HDGFL3: variants seen among roughly 807,000 people sequenced by gnomAD.
HDGFL3 encodes the protein hepatoma-derived growth factor-related protein 3.
HDGFL3 carries 6 observed loss-of-function variants against 27.6 expected under a neutral mutation model. The ratio of observed to expected loss-of-function variants is 0.22; its 90% confidence interval spans 0.12 to 0.43. The LOEUF (loss-of-function observed/expected upper bound fraction) is 0.43, where lower values mean the gene tolerates loss of function less well. HDGFL3 is among the 20% of genes least tolerant of loss of function. The pLI, the probability that HDGFL3 is intolerant of heterozygous loss-of-function variation, is 1.00. For missense variants in HDGFL3, 207 were observed against 250.1 expected (o/e 0.83, Z 1.16); for synonymous variants, 88 against 88.9 (o/e 0.99, Z 0.05).
At chr15:83,124,609 T>A, downstream of HDGFL3, 2 of 1,256,772 alleles carry the variant, frequency 1.6e-6, no homozygotes. Context: ...CATTTAATGT[T>A]TCAGATTTCA....
chr15:83,147,809 G>A (rs1205621960), intron 5 of HDGFL3, among the ~76,000 whole-genome samples: 1 of 152,164 alleles, frequency 6.6e-6, no homozygotes, highest in Non-Finnish European at 1.5e-5. Flanking sequence ...TAAAAAGTCT[G>A]ATTGCTAAAA....
intron 1 of HDGFL3, among the ~76,000 whole-genome samples, chr15:83,202,433 A>G (rs2151423586): frequency 6.6e-6 from 1 of 152,304 alleles, no homozygotes; most frequent in Non-Finnish European, 1.5e-5. Context: ...CAAACCAGAC[A>G]GGCTGAAACC....
At chr15:83,168,852 T>C (rs1040340019) in intron 1 of HDGFL3, among the ~76,000 whole-genome samples, 1 of 152,152 alleles carries the variant, frequency 6.6e-6, no homozygotes, top group Non-Finnish European at 1.5e-5. Context: ...ATATCCCTGA[T>C]GAAAGCAGAT....
chr15:83,149,533 G>A (rs1191284621), intron 5 of HDGFL3, among the ~76,000 whole-genome samples: 1 of 152,182 alleles, frequency 6.6e-6, no homozygotes, highest in Non-Finnish European at 1.5e-5. Flanking sequence ...GGAAAAGTCA[G>A]GAGGAGAAAT....
chr15:83,198,070 A>AAAAAAAAAAAAAAAAAAAAAAAAAAC (rs1306129253), intron 1 of HDGFL3, among the ~76,000 whole-genome samples: 1 of 150,872 alleles, frequency 6.6e-6, no homozygotes. Flanking sequence ...AAAAAAAAAA[A>AAAAAAAAAAAAAAAAAAAAAAAAAAC]AAAAGAAGCC....
chr15:83,139,668 T>C (rs753057319), intron 5 of HDGFL3, among the ~76,000 whole-genome samples: 7 of 152,180 alleles, frequency 4.6e-5, no homozygotes, highest in African/African-American at 9.7e-5. Context: ...CTGTGTAAAA[T>C]TTAAAAAGCA....
At chr15:83,196,926 G>A (rs937430663) in intron 1 of HDGFL3, among the ~76,000 whole-genome samples, 1 of 152,202 alleles carries the variant, frequency 6.6e-6, no homozygotes, top group Admixed American at 6.5e-5. Flanking sequence ...AATAGTAAAT[G>A]TATCTACTAA....
In HDGFL3 at chr15:83,157,948, C is replaced by T. The variant is rs141154222; in HGVS notation, c.255G>A (p.Leu85=). ...CTCCTGGGTTATTTTCTATTTCCCA[C>T]AATCCTTCGTTAAATCCTTTCCGTT... The part of the protein sequence containing the change: ...SNKRKGFNEG[L]WEIENNPGVK... Residue 85 remains leucine (L), a synonymous_variant, in exon 3 of 6, where the codon TTG becomes TTA. Transcript: ENST00000299633. 37 of 1,612,626 alleles carry T rather than the reference C, an allele frequency of 2.3e-5. No individual in the cohort carries two copies. Among genetic ancestry groups the T allele is most frequent in the Non-Finnish European group, 3.0e-5 (35 of 1,179,296 alleles).
intron 3 of HDGFL3, chr15:83,115,838 G>A (rs1347089713): frequency 6.2e-7 from 1 of 1,607,048 alleles, no homozygotes; most frequent in Non-Finnish European, 8.5e-7. Flanking sequence ...TGCTTTCTTT[G>A]CTCTAGTGTA....
intron 3 of HDGFL3, chr15:83,115,758 A>T (rs760206223): frequency 5.6e-6 from 5 of 898,524 alleles, no homozygotes; most frequent in South Asian, 5.5e-5. Flanking sequence ...AACATGAAAA[A>T]CATTCCATTA....
At chr15:83,198,419 C>G (rs1481754149) in intron 1 of HDGFL3, among the ~76,000 whole-genome samples, 1 of 152,170 alleles carries the variant, frequency 6.6e-6, no homozygotes, top group Admixed American at 6.5e-5. Context: ...ACTCATTTAG[C>G]AGGTTGCAAC....
intron 1 of HDGFL3, among the ~76,000 whole-genome samples, chr15:83,200,348 A>G (rs1452247182): frequency 6.6e-6 from 1 of 151,864 alleles, no homozygotes; most frequent in Non-Finnish European, 1.5e-5. Flanking sequence ...AAAAAAAAAG[A>G]AAGAAAAAAA....
At chr15:83,166,885 A>T (rs2037177332) in intron 1 of HDGFL3, among the ~76,000 whole-genome samples, 1 of 152,212 alleles carries the variant, frequency 6.6e-6, no homozygotes, top group South Asian at 2.1e-4. Context: ...CCCATGATCC[A>T]ATCACCTCCC....
chr15:83,174,092 A>C (rs1470839448), intron 1 of HDGFL3, among the ~76,000 whole-genome samples: 1 of 152,186 alleles, frequency 6.6e-6, no homozygotes, highest in African/African-American at 2.4e-5. Flanking sequence ...GAAGGTATCA[A>C]TCTCTTGGGG....
At chr15:83,204,119 A>G (rs2037685865) in intron 1 of HDGFL3, among the ~76,000 whole-genome samples, 1 of 151,018 alleles carries the variant, frequency 6.6e-6, no homozygotes, top group Admixed American at 6.6e-5. Context: ...AGAAAGAGGC[A>G]TGAGAGTACT....
chr15:83,192,291 T>G (rs1276625149), intron 1 of HDGFL3: 9 of 455,314 alleles, frequency 2.0e-5, no homozygotes, highest in South Asian at 4.7e-5. Flanking sequence ...GTTTTGACTT[T>G]CTGCCAAAAG....
At chr15:83,200,134 G>A (rs2037624502) in intron 1 of HDGFL3, among the ~76,000 whole-genome samples, 3 of 151,238 alleles carry the variant, frequency 2.0e-5, no homozygotes. Context: ...ACGAGGTCAG[G>A]AGATTGAGAC....
chr15:83,172,824 A>C (rs76865102), intron 1 of HDGFL3, among the ~76,000 whole-genome samples: 6 of 145,896 alleles, frequency 4.1e-5, no homozygotes, highest in Non-Finnish European at 9.1e-5. Context: ...CTCCAGCTCA[A>C]AAAAAAAAAA....
intron 3 of HDGFL3, chr15:83,122,738 C>G (rs747407319): frequency 6.2e-7 from 1 of 1,610,346 alleles, no homozygotes; most frequent in East Asian, 2.2e-5. Context: ...ACTTCTTTCT[C>G]TTTCTCTCTT....
Sources: gnomAD v4.1 joint callset for allele counts (sites outside exome capture counted in the v4.1 genomes callset) on GRCh38, gnomAD v4.1.1 for gene constraint, MANE v1.5 for transcripts, NCBI Gene and HGNC (gene_info 2026-07-23, HGNC 2026-07-21) for gene names.